ABRAXAS1: variants seen among roughly 807,000 people sequenced by gnomAD.
The protein encoded by ABRAXAS1 is abraxas 1, BRCA1 A complex subunit.
ABRAXAS1 carries 26 observed loss-of-function variants against 38.4 expected under a neutral mutation model. The ratio of observed to expected loss-of-function variants is 0.68; its 90% CI spans 0.50 to 0.94. The LOEUF is 0.94. ABRAXAS1 is among the 40% of genes least tolerant of loss of function. The pLI is 0.00. For missense variants in ABRAXAS1, 438 were observed against 481.9 expected (o/e 0.91, Z 0.85); for synonymous variants, 144 against 165.5 (o/e 0.87, Z 1.00).
At position 83,461,319 on chromosome 4, in the gene ABRAXAS1, C is replaced by G; in HGVS notation, c.*1150G>C. 1.3e-6 allele frequency: 1 copy of G among 743,016 alleles called. No individual in the cohort carries two copies. Among genetic ancestry groups the G allele is most frequent in the Non-Finnish European group, 2.4e-6 (1 of 424,586 alleles). The allele number at this position is 743,016 out of a possible 1,614,324, so 46.0% of individuals were successfully genotyped here. On this transcript the variant is annotated 3_prime_UTR_variant, in exon 9 of 9. Coordinates refer to ENST00000321945, the MANE Select transcript of ABRAXAS1 (RefSeq NM_139076.3). ...AGGAGTGAGGTAAAGAATGACACTT[C>G]CCCTTCATACCAATGTCCATTAAGC...
intron 8 of ABRAXAS1, 37 bp from the exon 9 acceptor site, chr4:83,462,939 T>G: frequency 7.4e-7 from 1 of 1,355,758 alleles, no homozygotes; most frequent in Non-Finnish European, 1.0e-6. Flanking sequence ...CATATAACAT[T>G]TCTTCTACAA....
At position 83,462,164 on chromosome 4, in the gene ABRAXAS1, A is replaced by G. The variant is rs2110032413; in HGVS notation, c.*305T>C. 3.1e-5 allele frequency: 10 copies of G among 317,694 alleles called. 1 individual carries two copies. In the South Asian group the frequency reaches 6.4e-4, roughly 20 times the overall value. The allele number at this position is 317,694 out of a possible 1,614,324, so 19.7% of individuals were successfully genotyped here. Reference sequence around the variant, plus strand: ...TGACTTGTCTTCCCTAAGTGCTGGGATTACAGGTGTGAGCCACTGTGCCTG... The same window carrying G: ...TGACTTGTCTTCCCTAAGTGCTGGGGTTACAGGTGTGAGCCACTGTGCCTG... On this transcript the variant is annotated 3_prime_UTR_variant, in exon 9 of 9. Coordinates refer to ENST00000321945, the MANE Select transcript of ABRAXAS1 (RefSeq NM_139076.3).
chr4:83,483,205 T>G (rs1165122855), intron 1 of ABRAXAS1, among the ~76,000 whole-genome samples: 1 of 152,140 alleles, frequency 6.6e-6, no homozygotes, highest in East Asian at 1.9e-4. Context: ...GTAATTTATC[T>G]GAGTTTTGGG....
chr4:83,474,634 G>A (rs1186620784), intron 3 of ABRAXAS1, among the ~76,000 whole-genome samples: 1 of 150,784 alleles, frequency 6.6e-6, no homozygotes, highest in African/African-American at 2.4e-5. Context: ...GAATTGCTTG[G>A]ACCTGGGAGG....
rs587780269 is a variant in ABRAXAS1, at chr4:83,462,784, A to G, written c.915T>C (p.His305=). 6.2e-7 allele frequency: 1 copy of G among 1,614,066 alleles called. No individual in the cohort carries two copies. Among genetic ancestry groups the G allele is most frequent in the Admixed American group, 1.7e-5 (1 of 60,006 alleles). Residue 305 remains histidine, a synonymous_variant, in exon 9 of 9, where the codon CAT becomes CAC. Transcript: ENST00000321945. Reference sequence around the variant, plus strand: ...TGTAGTTACAGCTACTTTTAGAAACATGTCTATTTTTTAAAGACATAACAC... The same window carrying G: ...TGTAGTTACAGCTACTTTTAGAAACGTGTCTATTTTTTAAAGACATAACAC... The part of the protein sequence containing the change: ...HSCVMSLKNR[H]VSKSSCNYNH...
chr4:83,476,775 T>C (rs975146211), intron 2 of ABRAXAS1, 96 bp from the exon 3 acceptor site: 3 of 720,988 alleles, frequency 4.2e-6, no homozygotes, highest in Non-Finnish European at 7.3e-6. Context: ...CAGGAAGTAC[T>C]TTACCACTGA....
At position 83,469,159 on chromosome 4, in the gene ABRAXAS1, A is replaced by C. The variant is rs770055659; in HGVS notation, c.477-8T>G. The C allele has an allele frequency of 8.1e-6, 13 of 1,612,690 alleles. No individual in the cohort carries two copies. Among genetic ancestry groups the C allele is most frequent in the South Asian group, 1.1e-5 (1 of 91,054 alleles). On this transcript the variant is annotated splice_polypyrimidine_tract_variant and splice_region_variant and intron_variant, in intron 5 of 8. Coordinates refer to ENST00000321945, the MANE Select transcript of ABRAXAS1 (RefSeq NM_139076.3). ...GGTACCCTGTGAAAAAGTCTGACAA[A>C]ATAAAACTTTAGAGTATAAACTTAG...
At chr4:83,474,658 G>A (rs1202525878) in intron 3 of ABRAXAS1, among the ~76,000 whole-genome samples, 1 of 150,160 alleles carries the variant, frequency 6.7e-6, no homozygotes, top group Non-Finnish European at 1.5e-5. Context: ...AGGTTGCAGT[G>A]AGCCGAGATT....
chr4:83,465,299 CAA>C (rs35072866), intron 7 of ABRAXAS1, among the ~76,000 whole-genome samples: 7,898 of 88,226 alleles, frequency 0.09, 607 homozygotes, highest in African/African-American at 0.29. Context: ...GACTCTGTCT[CAA>C]AAAAAAAAAA....
chr4:83,476,460 A>C (rs886782926), intron 3 of ABRAXAS1, among the ~76,000 whole-genome samples, 183 bp downstream of exon 3: 1 of 152,166 alleles, frequency 6.6e-6, no homozygotes, highest in Non-Finnish European at 1.5e-5. Flanking sequence ...AATACAGAGA[A>C]AGAACTGCTA....
intron 3 of ABRAXAS1, 152 bp downstream of exon 3, chr4:83,476,491 A>AT (rs769763276): frequency 5.5e-5 from 27 of 493,662 alleles, no homozygotes; most frequent in Middle Eastern, 5.0e-4. Flanking sequence ...TACACAAGTG[A>AT]TTTTTTCAGC....
At chr4:83,473,401 G>C (rs575985602) in intron 3 of ABRAXAS1, among the ~76,000 whole-genome samples, 1 of 152,088 alleles carries the variant, frequency 6.6e-6, no homozygotes, top group South Asian at 2.1e-4. Flanking sequence ...AGCTCAAATC[G>C]GAGCATAAAG....
intron 3 of ABRAXAS1, 60 bp from the exon 4 acceptor site, chr4:83,472,348 G>T: frequency 1.9e-6 from 2 of 1,071,766 alleles, no homozygotes; most frequent in Non-Finnish European, 2.6e-6. Context: ...AATTTTATTA[G>T]TATTTTAAAT....
chr4:83,471,495 A>T (rs753715760), intron 4 of ABRAXAS1, among the ~76,000 whole-genome samples: 2 of 152,132 alleles, frequency 1.3e-5, no homozygotes, highest in African/African-American at 2.4e-5. Context: ...GGCATGAGCC[A>T]CTGTGCCCAG....
intron 7 of ABRAXAS1, 149 bp from the exon 8 acceptor site, chr4:83,463,757 A>C (rs1462137091): frequency 2.3e-6 from 1 of 431,536 alleles, no homozygotes; most frequent in Non-Finnish European, 4.0e-6. Context: ...TTTCTGGAGG[A>C]TGTCAGTAAC....
intron 5 of ABRAXAS1, 86 bp from the exon 6 acceptor site, chr4:83,469,237 C>G: frequency 8.2e-7 from 1 of 1,216,402 alleles, no homozygotes; most frequent in South Asian, 1.3e-5. Flanking sequence ...TTGTCCCCTA[C>G]AAGATTTAAA....
chr4:83,461,167 T>A lies in ABRAXAS1; in HGVS notation c.*1302A>T, dbSNP rs1223140248. ...AGGATCCTGCATATCTCAAGGACCC[T>A]AAAGTTTGTAACATCAGATATCGGG... On this transcript the variant is annotated 3_prime_UTR_variant, in exon 9 of 9. Coordinates refer to ENST00000321945, the MANE Select transcript of ABRAXAS1 (RefSeq NM_139076.3). 3.1e-6 allele frequency: 5 copies of A among 1,612,810 alleles called. No individual in the cohort carries two copies. The South Asian group carries it at 5.5e-5, about 18-fold the overall frequency.
chr4:83,466,156 C>A (rs927952817), intron 7 of ABRAXAS1, among the ~76,000 whole-genome samples: 12 of 152,202 alleles, frequency 7.9e-5, no homozygotes, highest in African/African-American at 2.9e-4. Context: ...TAAAATGGCG[C>A]TGCAGTCTGA....
At chr4:83,472,083 A>C (rs1722607614) in intron 4 of ABRAXAS1, 139 bp downstream of exon 4, 1 of 463,830 alleles carries the variant, frequency 2.2e-6, no homozygotes, top group Non-Finnish European at 3.9e-6. Context: ...TCTGGGAAGA[A>C]CAAACCTTTT....
Sources: allele counts gnomAD v4.1 joint callset (sites outside exome capture counted in the v4.1 genomes callset), GRCh38; gene constraint gnomAD v4.1.1; transcripts MANE v1.5; gene names NCBI Gene and HGNC (gene_info 2026-07-23, HGNC 2026-07-21).